The following RBFOX1 variants were observed in gnomAD, a reference collection of about 807,000 sequenced individuals.
RBFOX1 encodes RNA binding fox-1 homolog 1, also known as RNA binding protein fox-1 homolog 1.
A neutral mutation model predicts 57.7 loss-of-function variants in RBFOX1; 8 were observed. That is an observed-to-expected ratio of 0.14 (90% CI 0.08 to 0.25). The LOEUF (loss-of-function observed/expected upper bound fraction) is 0.25. Among genes scored for constraint, RBFOX1 ranks in the 10% least tolerant of loss-of-function variants. The pLI is 1.00. For missense variants in RBFOX1, 611 were observed against 548.5 expected (o/e 1.11, Z -1.14); for synonymous variants, 326 against 222.4 (o/e 1.47, Z -4.15).
In RBFOX1 at chr16:7,620,981, TACTGTTGTCAGC is replaced by T. The variant is rs1188586622; in HGVS notation, c.677-9619_677-9608del. On this transcript the variant is annotated intron_variant, in intron 10 of 15. Transcript: ENST00000550418. ...GGTTCCTATGTAATCCCTAGCAATT[TACTGTTGTCAGC>T]ACCATCTGCATCCCCTGGAAGCCTA... Among the ~76,000 whole-genome samples, 4 of 152,230 alleles carry T rather than the reference TACTGTTGTCAGC, an allele frequency of 2.6e-5. No individual in the cohort carries two copies. The East Asian group carries it at 7.8e-4, about 30-fold the overall frequency.
intron 3 of RBFOX1, among the ~76,000 whole-genome samples, chr16:7,048,991 G>T (rs1437803505): frequency 6.6e-6 from 1 of 152,160 alleles, no homozygotes; most frequent in African/African-American, 2.4e-5. Context: ...TGGGACATGG[G>T]CAGTAGTCTA....
chr16:6,144,226 A>G (rs894049413), intron 1 of RBFOX1, among the ~76,000 whole-genome samples: 7 of 152,174 alleles, frequency 4.6e-5, no homozygotes, highest in African/African-American at 1.7e-4. Flanking sequence ...TCATAATTAG[A>G]AAATTATTCT....
chr16:6,721,664 C>G (rs945796025), intron 3 of RBFOX1: 3 of 152,196 alleles, frequency 2.0e-5, no homozygotes, highest in African/African-American at 7.2e-5. Context: ...CTAGCTACCT[C>G]ATACATGAGT....
intron 1 of RBFOX1, among the ~76,000 whole-genome samples, chr16:6,206,665 A>T (rs1489924276): frequency 6.6e-5 from 10 of 152,198 alleles, no homozygotes; most frequent in Admixed American, 6.5e-4. Flanking sequence ...ACTCATCAGA[A>T]GTTGCAAAGA....
At chr16:6,634,253 T>G (rs937318326) in intron 2 of RBFOX1, among the ~76,000 whole-genome samples, 6 of 152,118 alleles carry the variant, frequency 3.9e-5, no homozygotes, top group African/African-American at 1.2e-4. Context: ...GTTACTCCTT[T>G]AAGAAAATGA....
chr16:6,973,895 C>G (rs910258284), intron 3 of RBFOX1, among the ~76,000 whole-genome samples: 1 of 152,124 alleles, frequency 6.6e-6, no homozygotes, highest in Non-Finnish European at 1.5e-5. Context: ...GTATTAAGCC[C>G]AGCATACATT....
chr16:6,149,828 T>C (rs2152721763), intron 1 of RBFOX1, among the ~76,000 whole-genome samples: 1 of 152,336 alleles, frequency 6.6e-6, no homozygotes, highest in Middle Eastern at 3.4e-3. Context: ...TATGGCCTAA[T>C]AGCTTGGTAA....
intron 3 of RBFOX1, among the ~76,000 whole-genome samples, chr16:7,015,025 C>G (rs76428033): frequency 6.6e-6 from 1 of 152,180 alleles, no homozygotes; most frequent in African/African-American, 2.4e-5. Context: ...TGCTTAGCTT[C>G]TTTACCAGGT....
chr16:6,277,437 A>G (rs2075919400), intron 1 of RBFOX1, among the ~76,000 whole-genome samples: 1 of 137,812 alleles, frequency 7.3e-6, no homozygotes, highest in Non-Finnish European at 1.5e-5. Context: ...AGAGAGAGTG[A>G]CAGAACAAGA....
chr16:7,033,826 C>G (rs1214826652), intron 3 of RBFOX1, among the ~76,000 whole-genome samples: 2 of 151,870 alleles, frequency 1.3e-5, no homozygotes, highest in African/African-American at 4.8e-5. Context: ...CAAATTAGCC[C>G]ACTAGAGTGG....
intron 1 of RBFOX1, among the ~76,000 whole-genome samples, chr16:5,336,916 C>A (rs938760): frequency 0.82 from 125,245 of 152,222 alleles, 54,322 homozygotes; most frequent in Non-Finnish European, 0.96. Context: ...GACACAAGAG[C>A]TACCTTCTAT....
chr16:7,405,341 G>A (rs1320484845), intron 4 of RBFOX1, among the ~76,000 whole-genome samples: 1 of 152,212 alleles, frequency 6.6e-6, no homozygotes, highest in African/African-American at 2.4e-5. Flanking sequence ...CTTCAGCTGC[G>A]ATGAGATTAG....
At chr16:6,129,855 A>G (rs1207157177) in intron 1 of RBFOX1, among the ~76,000 whole-genome samples, 1 of 152,152 alleles carries the variant, frequency 6.6e-6, no homozygotes, top group African/African-American at 2.4e-5. Context: ...GAAACTGTGG[A>G]GGCCAGAAGA....
At chr16:7,325,405 A>G (rs72769281) in intron 4 of RBFOX1, among the ~76,000 whole-genome samples, 1,705 of 152,284 alleles carry the variant, frequency 0.011, 20 homozygotes, top group Middle Eastern at 0.034. Context: ...TAACTACTAT[A>G]CTATGGTGCT....
chr16:6,398,406 C>G (rs1305241936), intron 2 of RBFOX1, among the ~76,000 whole-genome samples: 1 of 152,086 alleles, frequency 6.6e-6, no homozygotes, highest in Non-Finnish European at 1.5e-5. Flanking sequence ...CCCAAAAGTC[C>G]AAGTCAAAAG....
At chr16:5,995,415 G>A (rs1022941441) in intron 4 of RBFOX1, among the ~76,000 whole-genome samples, 1 of 152,158 alleles carries the variant, frequency 6.6e-6, no homozygotes, top group African/African-American at 2.4e-5. Context: ...CCTACCAGAA[G>A]AGCATGATGG....
chr16:5,907,743 A>G (rs1466434891), intron 4 of RBFOX1, among the ~76,000 whole-genome samples: 1 of 149,418 alleles, frequency 6.7e-6, no homozygotes, highest in African/African-American at 2.6e-5. Flanking sequence ...CATCATCATC[A>G]TCATCATCAT....
chr16:7,015,554 T>A (rs2093868838), intron 3 of RBFOX1, among the ~76,000 whole-genome samples: 1 of 152,204 alleles, frequency 6.6e-6, no homozygotes. Context: ...AGGACTGCTT[T>A]GGATAGAAGG....
intron 4 of RBFOX1, among the ~76,000 whole-genome samples, chr16:7,181,655 C>T (rs914011246): frequency 2.0e-5 from 3 of 152,044 alleles, no homozygotes; most frequent in Non-Finnish European, 4.4e-5. Flanking sequence ...CTCTGCCTCC[C>T]AGGTCCAAGC....
Sources: gnomAD v4.1 joint callset for allele counts (sites outside exome capture counted in the v4.1 genomes callset) on GRCh38, gnomAD v4.1.1 for gene constraint, MANE v1.5 for transcripts, NCBI Gene and HGNC (gene_info 2026-07-23, HGNC 2026-07-21) for gene names.